TP53BP1: variants seen among roughly 807,000 people sequenced by gnomAD.
The protein encoded by TP53BP1 is TP53-binding protein 1.
TP53BP1 carries 61 observed loss-of-function variants against 200.8 expected under a neutral mutation model. The ratio of observed to expected loss-of-function variants is 0.30; its 90% CI spans 0.25 to 0.38. The LOEUF (loss-of-function observed/expected upper bound fraction) is 0.38, where lower values mean the gene tolerates loss of function less well. Ranked by LOEUF, TP53BP1 falls within the 10% of genes least tolerant of loss-of-function variation. The pLI is 1.00. For missense variants in TP53BP1, 2,144 were observed against 2,371.9 expected (o/e 0.90, Z 2.00); for synonymous variants, 822 against 844.3 (o/e 0.97, Z 0.46).
At chr15:43,435,574 C>G (rs1290092612) in intron 16 of TP53BP1, among the ~76,000 whole-genome samples, 2 of 152,134 alleles carry the variant, frequency 1.3e-5, no homozygotes, top group East Asian at 3.8e-4. Context: ...TCATCTGATT[C>G]CCAAGAATAT....
upstream of TP53BP1, among the ~76,000 whole-genome samples, chr15:43,493,499 C>A (rs2079158198): frequency 6.6e-6 from 1 of 152,134 alleles, no homozygotes; most frequent in South Asian, 2.1e-4. Context: ...CACCCTCTTT[C>A]CTGGAAAAGG....
upstream of TP53BP1, chr15:43,497,654 T>A (rs1755296852): frequency 6.1e-6 from 1 of 164,500 alleles, no homozygotes; most frequent in African/African-American, 2.4e-5. Context: ...TGATTCCACT[T>A]ATACGAGGTA....
At chr15:43,489,616 C>G (rs964597412) in intron 4 of TP53BP1, among the ~76,000 whole-genome samples, 3 of 152,186 alleles carry the variant, frequency 2.0e-5, no homozygotes, top group African/African-American at 7.2e-5. Context: ...CACTAATGCT[C>G]CATCTAAGCA....
In TP53BP1 at chr15:43,479,483, T is replaced by G. The variant is rs117861173; in HGVS notation, c.702A>C (p.Ala234=). The G allele has an allele frequency of 2.0e-5, 32 of 1,613,746 alleles. No homozygotes were observed. The South Asian group carries it at 3.4e-4, about 17-fold the overall frequency. ...CAGGGATGTCCTTGCTGGACTGTTC[T>G]GCTATGGGGATATCTTCGTTGGACT... The part of the protein sequence containing the change: ...EEQSNEDIPI[A]EQSSKDIPVT... Residue 234 remains alanine (A), a synonymous_variant, in exon 7 of 28, where the codon GCA becomes GCC. Coordinates refer to ENST00000382044, the MANE Select transcript of TP53BP1 (RefSeq NM_001141980.3).
At chr15:43,490,807 G>A (rs1039844599) in intron 4 of TP53BP1, among the ~76,000 whole-genome samples, 27 of 152,046 alleles carry the variant, frequency 1.8e-4, no homozygotes, top group Non-Finnish European at 1.3e-4. Flanking sequence ...CAATTTTCCC[G>A]TCTATACAAT....
chr15:43,449,180 G>A (rs16957736), intron 12 of TP53BP1, among the ~76,000 whole-genome samples: 1 of 152,052 alleles, frequency 6.6e-6, no homozygotes, highest in Non-Finnish European at 1.5e-5. Flanking sequence ...TATGGATGAA[G>A]AATCTCAACA....
chr15:43,453,378 A>G (rs528701754), intron 12 of TP53BP1, among the ~76,000 whole-genome samples: 1 of 152,164 alleles, frequency 6.6e-6, no homozygotes, highest in Non-Finnish European at 1.5e-5. Context: ...AGAATCAAAT[A>G]ATCTGTATTA....
At chr15:43,422,204 C>A in intron 18 of TP53BP1, 78 bp from the exon 19 acceptor site, 1 of 1,457,352 alleles carries the variant, frequency 6.9e-7, no homozygotes, top group Non-Finnish European at 9.3e-7. Flanking sequence ...GAAAATCCTA[C>A]AGATGGCACA....
intron 7 of TP53BP1, 129 bp from the exon 8 acceptor site, chr15:43,477,888 A>T: frequency 1.5e-6 from 1 of 656,390 alleles, no homozygotes; most frequent in Non-Finnish European, 2.4e-6. Flanking sequence ...TTACATAATT[A>T]TATATTAAAA....
chr15:43,481,244 C>T (rs1297949714), intron 4 of TP53BP1, among the ~76,000 whole-genome samples: 2 of 151,972 alleles, frequency 1.3e-5, no homozygotes, highest in African/African-American at 4.8e-5. Context: ...CCAACATACT[C>T]GAATTTTATA....
chr15:43,406,713 A>AATG lies in TP53BP1; in HGVS notation c.*669_*670insCAT, dbSNP rs1409492622. ...CTATTGTGACAATAATAATAATAAT[A>AATG]ATATTGGGTCTTTGACTAGAACGTG... On this transcript the variant is annotated 3_prime_UTR_variant, in exon 28 of 28. Transcript: ENST00000382044. 1 of 427,400 alleles carries AATG rather than the reference A, an allele frequency of 2.3e-6. No homozygotes were observed. The highest frequency in any genetic ancestry group is 4.6e-6 in the Non-Finnish European group (1 of 217,070). 26.5% of individuals were successfully genotyped at this position (427,400 alleles called of 1,614,324 possible).
chr15:43,429,391 C>A (rs1326376478), intron 17 of TP53BP1, among the ~76,000 whole-genome samples: 1 of 152,186 alleles, frequency 6.6e-6, no homozygotes, highest in Non-Finnish European at 1.5e-5. Flanking sequence ...CTCCTACACC[C>A]CACTAACTCC....
chr15:43,419,440 G>T (rs2045342595), intron 21 of TP53BP1, among the ~76,000 whole-genome samples: 1 of 151,148 alleles, frequency 6.6e-6, no homozygotes, highest in African/African-American at 2.4e-5. Flanking sequence ...GCTCACTGTG[G>T]ACTCAAACTC....
At chr15:43,463,242 C>T (rs1426299593) in intron 11 of TP53BP1, among the ~76,000 whole-genome samples, 1 of 152,102 alleles carries the variant, frequency 6.6e-6, no homozygotes, top group Admixed American at 6.5e-5. Context: ...TAATCCTCTC[C>T]CCATCCCTCA....
chr15:43,467,055 G>GTA (rs1416626937), intron 11 of TP53BP1, among the ~76,000 whole-genome samples: 1 of 148,420 alleles, frequency 6.7e-6, no homozygotes, highest in Non-Finnish European at 1.5e-5. Context: ...TGTTGTAAAG[G>GTA]TATTCTTTTT....
At chr15:43,423,500 C>CA (rs1233911403) in intron 18 of TP53BP1, among the ~76,000 whole-genome samples, 3 of 126,722 alleles carry the variant, frequency 2.4e-5, no homozygotes, top group Non-Finnish European at 4.8e-5. Flanking sequence ...TCTACTAACA[C>CA]AAAAAAAATA....
intron 24 of TP53BP1, among the ~76,000 whole-genome samples, chr15:43,411,815 C>G (rs2045124400): frequency 6.6e-6 from 1 of 152,320 alleles, no homozygotes; most frequent in African/African-American, 2.4e-5. Context: ...GGACAGCCTG[C>G]ATCTCATACC....
chr15:43,477,835 T>C, intron 7 of TP53BP1, 76 bp from the exon 8 acceptor site: 1 of 1,223,686 alleles, frequency 8.2e-7, no homozygotes, highest in South Asian at 2.0e-5. Flanking sequence ...TCCTGTTTTG[T>C]GTGTTTTTCT....
chr15:43,437,856 T>C (rs2045834668), intron 16 of TP53BP1, among the ~76,000 whole-genome samples: 2 of 152,204 alleles, frequency 1.3e-5, no homozygotes, highest in Non-Finnish European at 2.9e-5. Context: ...CCCACCAGAC[T>C]GGGAAATTGA....
Sources: allele counts gnomAD v4.1 joint callset (sites outside exome capture counted in the v4.1 genomes callset), GRCh38; gene constraint gnomAD v4.1.1; transcripts MANE v1.5; gene names NCBI Gene and HGNC (gene_info 2026-07-23, HGNC 2026-07-21).